Variants in GRID2 observed in about 807,000 individuals in gnomAD.
GRID2 encodes the protein glutamate ionotropic receptor delta type subunit 2.
GRID2 carries 33 observed loss-of-function variants against 114.8 expected under a neutral mutation model. The ratio of observed to expected loss-of-function variants is 0.29; its 90% CI spans 0.22 to 0.38. The LOEUF (loss-of-function observed/expected upper bound fraction) is 0.38. Among genes scored for constraint, GRID2 ranks in the 10% least tolerant of loss-of-function variants. The pLI is 1.00. For missense variants in GRID2, 1,184 were observed against 1,257.7 expected (o/e 0.94, Z 0.89); for synonymous variants, 505 against 449.9 (o/e 1.12, Z -1.55).
intron 14 of GRID2, among the ~76,000 whole-genome samples, chr4:93,750,064 T>G (rs1409423133): frequency 1.3e-5 from 2 of 152,240 alleles, no homozygotes; most frequent in Non-Finnish European, 2.9e-5. Context: ...TCTTGAGCTT[T>G]GCTTTTTATT....
chr4:92,940,957 G>T (rs1751072491), intron 2 of GRID2, among the ~76,000 whole-genome samples: 1 of 152,134 alleles, frequency 6.6e-6, no homozygotes. Context: ...ATGTGCTGCT[G>T]GATTCGGTTT....
chr4:92,473,774 C>T (rs1244365661), intron 1 of GRID2, among the ~76,000 whole-genome samples: 2 of 151,736 alleles, frequency 1.3e-5, no homozygotes, highest in African/African-American at 2.4e-5. Flanking sequence ...GTTGAAATAT[C>T]CTTCTATAAT....
At chr4:92,913,435 C>T (rs1748536086) in intron 2 of GRID2, among the ~76,000 whole-genome samples, 1 of 151,902 alleles carries the variant, frequency 6.6e-6, no homozygotes, top group South Asian at 2.1e-4. Flanking sequence ...TCCATCTATG[C>T]ATTCACAAGG....
chr4:92,857,725 T>C (rs1253289798), intron 2 of GRID2, among the ~76,000 whole-genome samples: 1 of 152,142 alleles, frequency 6.6e-6, no homozygotes, highest in Non-Finnish European at 1.5e-5. Flanking sequence ...ATAGCTAAGA[T>C]CATTGATGAA....
chr4:92,755,481 T>G (rs1737670001), intron 2 of GRID2, among the ~76,000 whole-genome samples: 1 of 152,090 alleles, frequency 6.6e-6, no homozygotes, highest in South Asian at 2.1e-4. Flanking sequence ...GTGTCCTATT[T>G]TAAGTGGAGT....
chr4:92,324,496 T>C (rs1196923825), intron 1 of GRID2, among the ~76,000 whole-genome samples: 3 of 151,978 alleles, frequency 2.0e-5, no homozygotes, highest in Admixed American at 6.6e-5. Context: ...ACATAAAATA[T>C]TCTTGATTAT....
intron 8 of GRID2, among the ~76,000 whole-genome samples, chr4:93,392,206 G>A (rs1009215988): frequency 5.3e-5 from 8 of 152,054 alleles, no homozygotes; most frequent in Admixed American, 3.3e-4. Context: ...GATTTTGTGT[G>A]TGTGTTCTCT....
intron 2 of GRID2, among the ~76,000 whole-genome samples, chr4:92,940,974 A>G (rs1376745569): frequency 2.0e-5 from 3 of 152,092 alleles, no homozygotes; most frequent in Non-Finnish European, 4.4e-5. Flanking sequence ...GTTTGCCAGT[A>G]TTTTATTGAG....
At chr4:92,636,416 C>G (rs948001223) in intron 2 of GRID2, among the ~76,000 whole-genome samples, 1 of 151,996 alleles carries the variant, frequency 6.6e-6, no homozygotes, top group African/African-American at 2.4e-5. Context: ...TTGAGACCAA[C>G]TGAGTACATA....
chr4:93,618,446 A>T (rs1217660792), intron 13 of GRID2, among the ~76,000 whole-genome samples: 1 of 152,128 alleles, frequency 6.6e-6, no homozygotes, highest in Non-Finnish European at 1.5e-5. Flanking sequence ...GTAGAAGGTA[A>T]AATATCCTCT....
At chr4:93,771,082 C>T (rs533147519) in intron 15 of GRID2, among the ~76,000 whole-genome samples, 1 of 152,206 alleles carries the variant, frequency 6.6e-6, no homozygotes, top group Admixed American at 6.5e-5. Context: ...AATATTTTCT[C>T]CTCTTATGAT....
intron 8 of GRID2, among the ~76,000 whole-genome samples, chr4:93,316,291 C>CGAAAGAAAGAAAAA (rs1756597924): frequency 1.3e-5 from 1 of 77,122 alleles, no homozygotes; most frequent in African/African-American, 5.5e-5. Context: ...AACGAAAGAA[C>CGAAAGAAAGAAAAA]GAAAGAAAGA....
At chr4:93,688,161 G>A (rs1009105589) in intron 14 of GRID2, among the ~76,000 whole-genome samples, 1 of 151,900 alleles carries the variant, frequency 6.6e-6, no homozygotes, top group African/African-American at 2.4e-5. Context: ...TCACAAGTTT[G>A]ATTATGAAAT....
At chr4:93,525,994 C>T (rs1730852318) in intron 13 of GRID2, among the ~76,000 whole-genome samples, 1 of 152,158 alleles carries the variant, frequency 6.6e-6, no homozygotes, top group South Asian at 2.1e-4. Context: ...TTGGAAAATG[C>T]ATATATATTT....
chr4:93,153,247 A>G (rs1223577791), intron 4 of GRID2, among the ~76,000 whole-genome samples: 1 of 152,110 alleles, frequency 6.6e-6, no homozygotes, highest in African/African-American at 2.4e-5. Flanking sequence ...TAACAGTTTT[A>G]TGTACATTTT....
chr4:93,145,686 G>A (rs1736156106), intron 4 of GRID2, among the ~76,000 whole-genome samples: 1 of 106,570 alleles, frequency 9.4e-6, no homozygotes, highest in Admixed American at 1.4e-4. Context: ...AGTAGAGATG[G>A]CGTTTCACCA....
chr4:92,610,686 C>G (rs1003475238), intron 2 of GRID2, among the ~76,000 whole-genome samples: 1 of 151,646 alleles, frequency 6.6e-6, no homozygotes, highest in African/African-American at 2.4e-5. Context: ...ATTTGTAGAA[C>G]TTTTCCATCA....
chr4:92,445,773 A>G (rs1199481352), intron 1 of GRID2, among the ~76,000 whole-genome samples: 1 of 152,212 alleles, frequency 6.6e-6, no homozygotes, highest in East Asian at 1.9e-4. Flanking sequence ...GTTGTAATTT[A>G]TTTATTGAAT....
intron 1 of GRID2, among the ~76,000 whole-genome samples, chr4:92,393,992 T>G (rs1730375234): frequency 6.6e-6 from 1 of 152,102 alleles, no homozygotes; most frequent in Admixed American, 6.6e-5. Flanking sequence ...TGTCTCTGCT[T>G]CAGTGATCAT....
Sources: gnomAD v4.1 joint callset for allele counts (sites outside exome capture counted in the v4.1 genomes callset) on GRCh38, gnomAD v4.1.1 for gene constraint, MANE v1.5 for transcripts, NCBI Gene and HGNC (gene_info 2026-07-23, HGNC 2026-07-21) for gene names.